The following DCDC1 variants were observed in gnomAD, a reference collection of about 807,000 sequenced individuals.
The protein encoded by DCDC1 is doublecortin domain containing 1, also known as doublecortin domain-containing protein 1.
Under a neutral mutation model 178.3 loss-of-function variants are expected in DCDC1, and 200 were observed. The observed-to-expected ratio is 1.12, with a 90% CI of 1.00 to 1.26. DCDC1 has a LOEUF of 1.26. Among genes scored for constraint, DCDC1 ranks in the 50% most tolerant of loss-of-function variants. The pLI, the probability that DCDC1 is intolerant of heterozygous loss-of-function variation, is 0.00. For synonymous variants in DCDC1, 690 were observed against 604.8 expected (o/e 1.14, Z -2.07); for missense variants, 1,983 against 1,749.2 (o/e 1.13, Z -2.38).
intron 20 of DCDC1, among the ~76,000 whole-genome samples, chr11:31,013,806 C>T (rs1256232805): frequency 6.6e-6 from 1 of 152,140 alleles, no homozygotes; most frequent in African/African-American, 2.4e-5. Flanking sequence ...TTTTTGTCTA[C>T]AAGTAGCCTG....
chr11:30,954,841 T>C (rs1948674353), intron 20 of DCDC1, among the ~76,000 whole-genome samples: 1 of 152,228 alleles, frequency 6.6e-6, no homozygotes, highest in African/African-American at 2.4e-5. Flanking sequence ...ATTTCTCTTC[T>C]TTGCTCTGTG....
intron 20 of DCDC1, among the ~76,000 whole-genome samples, chr11:31,011,195 A>AAC (rs1450648809): frequency 6.6e-6 from 1 of 152,174 alleles, no homozygotes; most frequent in Non-Finnish European, 1.5e-5. Context: ...CGTTATCTTA[A>AAC]ACACACACAC....
intron 20 of DCDC1, among the ~76,000 whole-genome samples, chr11:31,003,892 G>T (rs1275227604): frequency 6.6e-6 from 1 of 152,186 alleles, no homozygotes; most frequent in Admixed American, 6.5e-5. Context: ...GAATTTTCAA[G>T]AATTGGGTGA....
At chr11:30,911,524 G>A (rs1945447981) in intron 27 of DCDC1, 104 bp from the exon 28 acceptor site, 3 of 805,382 alleles carry the variant, frequency 3.7e-6, no homozygotes, top group Admixed American at 2.1e-5. Context: ...TGCATGCTCT[G>A]TAATAATGAA....
intron 8 of DCDC1, among the ~76,000 whole-genome samples, chr11:31,253,451 GA>G (rs1944203943): frequency 6.6e-6 from 1 of 151,098 alleles, no homozygotes; most frequent in African/African-American, 2.4e-5. Flanking sequence ...CTGCCTTGGA[GA>G]TTTTTTTAAA....
At chr11:31,145,163 T>C (rs1466822202) in intron 9 of DCDC1, among the ~76,000 whole-genome samples, 1 of 152,194 alleles carries the variant, frequency 6.6e-6, no homozygotes, top group Non-Finnish European at 1.5e-5. Flanking sequence ...ATGCTCAATG[T>C]ATTGTGGAAA....
Position 30,920,771 on chromosome 11 carries a change from C to G in DCDC1, c.3293+5G>C. On this transcript the variant is annotated splice_donor_5th_base_variant and intron_variant, in intron 25 of 38. Coordinates refer to ENST00000684477, the MANE Select transcript of DCDC1 (RefSeq NM_001387274.1). ...GTAGCTTTTCAGGCTACACTGATTACTTACAGAATTTCACTGGAAGCATTT... is the reference window on the plus strand; with the variant it reads ...GTAGCTTTTCAGGCTACACTGATTAGTTACAGAATTTCACTGGAAGCATTT... 6.2e-7 allele frequency: 1 copy of G among 1,613,060 alleles called. No individual in the cohort carries two copies. The highest frequency in any genetic ancestry group is 1.7e-5 in the Admixed American group (1 of 59,932).
At chr11:31,219,172 T>C (rs1482116865) in intron 9 of DCDC1, among the ~76,000 whole-genome samples, 2 of 151,550 alleles carry the variant, frequency 1.3e-5, no homozygotes, top group Non-Finnish European at 2.9e-5. Flanking sequence ...CAATTTACAG[T>C]TAAAAAAAAA....
intron 36 of DCDC1, among the ~76,000 whole-genome samples, chr11:30,887,002 G>A (rs1246542803): frequency 6.6e-6 from 1 of 151,700 alleles, no homozygotes; most frequent in Non-Finnish European, 1.5e-5. Context: ...ATACTTTAAA[G>A]GCAAAATATA....
intron 3 of DCDC1, among the ~76,000 whole-genome samples, chr11:31,327,528 AC>A (rs1322657952): frequency 6.6e-6 from 1 of 152,148 alleles, no homozygotes; most frequent in Non-Finnish European, 1.5e-5. Flanking sequence ...AAGCATGGTG[AC>A]TGGCACCTAA....
intron 10 of DCDC1, 146 bp from the exon 11 acceptor site, chr11:31,127,785 G>A: frequency 3.6e-6 from 2 of 551,700 alleles, no homozygotes; most frequent in Admixed American, 3.4e-5. Flanking sequence ...TAAAAACAAT[G>A]AAAGAGATAT....
chr11:31,161,463 G>A (rs535346751), intron 9 of DCDC1, among the ~76,000 whole-genome samples: 1 of 152,114 alleles, frequency 6.6e-6, no homozygotes, highest in Non-Finnish European at 1.5e-5. Context: ...CCTTGGCTCT[G>A]TCTATCGCAG....
chr11:30,952,354 A>G lies in DCDC1; in HGVS notation c.2715+91T>C, dbSNP rs777088595. The stretch of plus-strand genomic sequence containing the variant: ...ATCTTGCACCTAACAGCTGCAATTC[A>G]AAAGCTATATGGAAGTTGTCAGGAA... On this transcript the variant is annotated intron_variant, in intron 21 of 38. Transcript: ENST00000684477. 3 of 1,231,792 alleles carry G rather than the reference A, an allele frequency of 2.4e-6. No individual in the cohort carries two copies. The African/African-American group carries it at 4.5e-5, about 19-fold the overall frequency. The allele number at this position is 1,231,792 out of a possible 1,614,324, so 76.3% of individuals were successfully genotyped here.
intron 16 of DCDC1, among the ~76,000 whole-genome samples, chr11:31,092,877 T>C (rs572039641): frequency 6.6e-6 from 1 of 152,318 alleles, no homozygotes; most frequent in Non-Finnish European, 1.5e-5. Flanking sequence ...GTGAGTCAAA[T>C]ATAGAGGAGT....
At chr11:30,902,940 T>G (rs1259923305) in intron 32 of DCDC1, among the ~76,000 whole-genome samples, 1 of 152,144 alleles carries the variant, frequency 6.6e-6, no homozygotes, top group East Asian at 1.9e-4. Flanking sequence ...TATCATGCAG[T>G]GTGTCCAAAA....
At chr11:30,936,657 G>C (rs924324146) in intron 21 of DCDC1, among the ~76,000 whole-genome samples, 5 of 152,132 alleles carry the variant, frequency 3.3e-5, no homozygotes, top group African/African-American at 4.8e-5. Context: ...CATTCATACA[G>C]TGGGCTCCAG....
At chr11:30,957,625 A>C (rs1948844263) in intron 20 of DCDC1, among the ~76,000 whole-genome samples, 1 of 152,188 alleles carries the variant, frequency 6.6e-6, no homozygotes, top group Non-Finnish European at 1.5e-5. Context: ...GAGCAAGATC[A>C]TCCTCTTTGC....
chr11:30,926,229 G>A (rs1009246179), intron 22 of DCDC1, among the ~76,000 whole-genome samples: 1 of 152,186 alleles, frequency 6.6e-6, no homozygotes, highest in Admixed American at 6.5e-5. Context: ...GGATAAACAG[G>A]ATTTCATCAA....
chr11:31,023,748 C>T (rs763023218), intron 20 of DCDC1, among the ~76,000 whole-genome samples: 11 of 151,420 alleles, frequency 7.3e-5, no homozygotes, highest in East Asian at 3.9e-4. Flanking sequence ...AAACTTAGAA[C>T]GGGATATTAA....
Sources: allele counts gnomAD v4.1 joint callset (sites outside exome capture counted in the v4.1 genomes callset), GRCh38; gene constraint gnomAD v4.1.1; transcripts MANE v1.5; gene names NCBI Gene and HGNC (gene_info 2026-07-23, HGNC 2026-07-21).